SIK3: variants seen among roughly 807,000 people sequenced by gnomAD.
SIK3 encodes the protein SIK family kinase 3, also known as serine/threonine-protein kinase SIK3.
SIK3 carries 28 observed loss-of-function variants against 144.2 expected under a neutral mutation model. That is an observed-to-expected ratio of 0.19 (90% CI 0.14 to 0.27). The LOEUF is 0.27. SIK3 is among the 10% of genes least tolerant of loss of function. SIK3 has a pLI of 1.00. For missense variants in SIK3, 1,319 were observed against 1,776.0 expected (o/e 0.74, Z 4.62); for synonymous variants, 686 against 676.3 (o/e 1.01, Z -0.22).
chr11:116,988,296 G>T (rs1413486527), intron 1 of SIK3, among the ~76,000 whole-genome samples: 2 of 151,960 alleles, frequency 1.3e-5, no homozygotes, highest in Non-Finnish European at 1.5e-5. Context: ...TAAGGCAGGA[G>T]AATGGCGTGA....
intron 1 of SIK3, among the ~76,000 whole-genome samples, chr11:117,004,710 G>GAAT (rs1950978774): frequency 6.6e-6 from 1 of 152,058 alleles, no homozygotes; most frequent in African/African-American, 2.4e-5. Context: ...AGAGTCACAG[G>GAAT]AATACTTCTT....
At chr11:117,067,001 A>G (rs1360868848) in intron 1 of SIK3, among the ~76,000 whole-genome samples, 1 of 152,358 alleles carries the variant, frequency 6.6e-6, no homozygotes, top group South Asian at 2.1e-4. Flanking sequence ...AACAACTAAA[A>G]TTTAAGATAT....
At chr11:117,041,743 A>T (rs1248728163) in intron 1 of SIK3, among the ~76,000 whole-genome samples, 1 of 152,178 alleles carries the variant, frequency 6.6e-6, no homozygotes, top group Non-Finnish European at 1.5e-5. Context: ...AATGATTATC[A>T]TGCTTTGTTT....
Position 116,849,182 on chromosome 11 carries a change from C to T in SIK3, c.3757G>A (p.Glu1253Lys). 1 of 1,613,940 alleles carries T rather than the reference C, an allele frequency of 6.2e-7. No homozygotes were observed. Among genetic ancestry groups the T allele is most frequent in the Non-Finnish European group, 8.5e-7 (1 of 1,179,904 alleles). ...LGYPARPSVH[E>K]HHRPRALQRH... ...TGGAGGGCCCGGGGCCTGTGGTGCTCATGGACGGAGGGGCGTGCTGGGTAC... is the reference window on the plus strand; with the variant it reads ...TGGAGGGCCCGGGGCCTGTGGTGCTTATGGACGGAGGGGCGTGCTGGGTAC... Residue 1253 changes from glutamate (E) to lysine (K), a missense_variant, in exon 22 of 25, where the codon GAG becomes AAG. By Grantham distance (56) the Glu-to-Lys change is moderately conservative. Around this residue, in one of 8 missense-constraint regions of SIK3, gnomAD observed 646 missense variants for 763.7 expected, o/e 0.85. Coordinates refer to ENST00000445177, the MANE Select transcript of SIK3 (RefSeq NM_001366686.3). This position sits in a 1 kb window ranked among gnomAD's most constrained non-coding sequence, Gnocchi z 4.2.
chr11:117,035,656 G>T (rs1429004424), intron 1 of SIK3: 2 of 639,226 alleles, frequency 3.1e-6, no homozygotes, highest in Non-Finnish European at 5.5e-6. Context: ...CTAGGCTCAA[G>T]CGATCCTCCC....
chr11:116,894,619 T>C (rs1300025123), intron 6 of SIK3, among the ~76,000 whole-genome samples: 1 of 152,224 alleles, frequency 6.6e-6, no homozygotes, highest in Non-Finnish European at 1.5e-5. Flanking sequence ...AGTGTTATCT[T>C]GGGAAAATTG....
rs75712296 is a variant in SIK3 at position 117,093,287 on chromosome 11, G to A, written c.273+4856C>T. Among the ~76,000 whole-genome samples the A allele has an allele frequency of 6.3e-3, 965 of 152,272 alleles. 8 individuals carry two copies. The highest frequency in any genetic ancestry group is 0.019 in the African/African-American group (807 of 41,550). On this transcript the variant is annotated intron_variant, in intron 1 of 24. Transcript: ENST00000445177. ...TTTAGAGGTGAAAATAATGCTTTTA[G>A]CCCACTTTGACTTGTTCTCCTCATG...
intron 4 of SIK3, among the ~76,000 whole-genome samples, chr11:116,915,169 T>TGTGTGTGTGTGTGTGTGTG (rs1555093415): frequency 4.6e-5 from 7 of 151,310 alleles, no homozygotes; most frequent in African/African-American, 1.2e-4. Context: ...TGTATGTGTA[T>TGTGTGTGTGTGTGTGTGTG]TTTTTCTTTT....
intron 1 of SIK3, among the ~76,000 whole-genome samples, chr11:117,013,899 A>AGGGG (rs71037440): frequency 2.3e-4 from 6 of 26,644 alleles, no homozygotes; most frequent in Admixed American, 6.2e-4. Flanking sequence ...CCAGATTCTG[A>AGGGG]GGGGGGGGGG....
intron 4 of SIK3, among the ~76,000 whole-genome samples, chr11:116,908,254 T>C (rs930495603): frequency 4.6e-5 from 7 of 152,264 alleles, no homozygotes; most frequent in East Asian, 3.9e-4. Context: ...GACAGGAGGA[T>C]TGCTTGAGCT....
chr11:116,987,057 G>A (rs1950348157), intron 1 of SIK3, among the ~76,000 whole-genome samples: 2 of 152,106 alleles, frequency 1.3e-5, no homozygotes, highest in Non-Finnish European at 2.9e-5. Context: ...AACTATACAA[G>A]TGTACTTAAC....
At chr11:117,041,266 A>C (rs955800267) in intron 1 of SIK3, among the ~76,000 whole-genome samples, 4 of 152,142 alleles carry the variant, frequency 2.6e-5, no homozygotes, top group Admixed American at 6.6e-5. Flanking sequence ...GATGTGGAAG[A>C]AAGCCAGGTT....
chr11:116,877,528 A>C (rs754178910), intron 6 of SIK3, among the ~76,000 whole-genome samples: 1 of 152,186 alleles, frequency 6.6e-6, no homozygotes, highest in Non-Finnish European at 1.5e-5. Flanking sequence ...TGATGGCACA[A>C]GGTGTGTGGG....
At chr11:116,955,287 A>G (rs895904534) in intron 2 of SIK3, among the ~76,000 whole-genome samples, 6 of 152,176 alleles carry the variant, frequency 3.9e-5, no homozygotes, top group Non-Finnish European at 5.9e-5. Flanking sequence ...GATCCCAGCT[A>G]CTTGGAAGGC....
chr11:117,072,349 C>T (rs1246404972), intron 1 of SIK3, among the ~76,000 whole-genome samples: 1 of 151,960 alleles, frequency 6.6e-6, no homozygotes, highest in African/African-American at 2.4e-5. Context: ...GATCATGCCA[C>T]GGCACTCCAG....
intron 6 of SIK3, among the ~76,000 whole-genome samples, chr11:116,881,864 C>T (rs1944569079): frequency 6.6e-6 from 1 of 152,132 alleles, no homozygotes; most frequent in African/African-American, 2.4e-5. Context: ...CTTCACAAAC[C>T]AACCCAATAC....
At chr11:117,085,657 G>T (rs1591678045) in intron 1 of SIK3, among the ~76,000 whole-genome samples, 1 of 152,136 alleles carries the variant, frequency 6.6e-6, no homozygotes, top group African/African-American at 2.4e-5. Context: ...TTTCATTTAT[G>T]TTTGAAATTT....
At chr11:116,879,098 C>T (rs775753710) in intron 6 of SIK3, among the ~76,000 whole-genome samples, 1 of 152,194 alleles carries the variant, frequency 6.6e-6, no homozygotes, top group Non-Finnish European at 1.5e-5. Flanking sequence ...TATCTAGACA[C>T]TTAGGAGCTG....
chr11:116,987,629 G>A (rs926979961), intron 1 of SIK3, among the ~76,000 whole-genome samples: 3 of 152,024 alleles, frequency 2.0e-5, no homozygotes, highest in African/African-American at 7.2e-5. Flanking sequence ...TACTTGAGAT[G>A]CAAATATTTA....
Sources: allele counts gnomAD v4.1 joint callset (sites outside exome capture counted in the v4.1 genomes callset), GRCh38; gene constraint gnomAD v4.1.1; regional missense constraint gnomAD v4.1.1; non-coding constraint Gnocchi (gnomAD v3.1); transcripts MANE v1.5; gene names NCBI Gene and HGNC (gene_info 2026-07-23, HGNC 2026-07-21).